The following SKAP2 variants were observed in gnomAD, a reference collection of about 807,000 sequenced individuals.
The protein encoded by SKAP2 is src kinase associated phosphoprotein 2, also known as src kinase-associated phosphoprotein 2.
In SKAP2, 28 loss-of-function variants were observed where a neutral mutation model predicts 54.9. The observed-to-expected ratio is 0.51, with a 90% CI of 0.38 to 0.70. The LOEUF (loss-of-function observed/expected upper bound fraction) is 0.70, where lower values mean the gene tolerates loss of function less well. Ranked by LOEUF, SKAP2 falls within the 30% of genes least tolerant of loss-of-function variation. The pLI, the probability that SKAP2 is intolerant of heterozygous loss-of-function variation, is 0.00. For missense variants in SKAP2, 356 were observed against 424.1 expected (o/e 0.84, Z 1.41); for synonymous variants, 137 against 134.3 (o/e 1.02, Z -0.14).
chr7:26,825,349 T>C (rs999000194), intron 4 of SKAP2, among the ~76,000 whole-genome samples: 2 of 152,154 alleles, frequency 1.3e-5, no homozygotes, highest in African/African-American at 4.8e-5. Flanking sequence ...CAATTGTTTT[T>C]TACTAAAGAA....
intron 4 of SKAP2, among the ~76,000 whole-genome samples, chr7:26,820,546 T>C (rs921692952): frequency 6.6e-6 from 1 of 152,152 alleles, no homozygotes; most frequent in Non-Finnish European, 1.5e-5. Flanking sequence ...TATGCTATTG[T>C]TTCATTACTT....
At chr7:26,769,397 A>C (rs767286342) in intron 4 of SKAP2, among the ~76,000 whole-genome samples, 1 of 152,144 alleles carries the variant, frequency 6.6e-6, no homozygotes, top group African/African-American at 2.4e-5. Flanking sequence ...ATTGGGTTAG[A>C]GCATGCTCCT....
At chr7:26,862,910 C>T (rs946791077) in intron 1 of SKAP2, among the ~76,000 whole-genome samples, 1 of 152,006 alleles carries the variant, frequency 6.6e-6, no homozygotes, top group African/African-American at 2.4e-5. Flanking sequence ...CATTTTTCTG[C>T]GCTGGTTATT....
Position 26,841,253 on chromosome 7 carries a change from A to G in SKAP2, c.307+2777T>C, listed in dbSNP as rs141802334. On this transcript the variant is annotated intron_variant, in intron 4 of 12. Coordinates refer to ENST00000345317, the MANE Select transcript of SKAP2 (RefSeq NM_003930.5). ...CAATGCGAAAATCAAAACTGCATCTAACCCTTTATCAGCTCACAATAACCT... is the reference window on the plus strand; with the variant it reads ...CAATGCGAAAATCAAAACTGCATCTGACCCTTTATCAGCTCACAATAACCT... Among the ~76,000 whole-genome samples the G allele has an allele frequency of 2.3e-3, 343 of 152,058 alleles. 2 individuals carry two copies. Among genetic ancestry groups the G allele is most frequent in the South Asian group, 5.4e-3 (26 of 4,822 alleles).
chr7:26,693,088 T>G (rs192276834), intron 9 of SKAP2, among the ~76,000 whole-genome samples: 241 of 152,164 alleles, frequency 1.6e-3, no homozygotes, highest in African/African-American at 5.3e-3. Flanking sequence ...TCCCAGCACT[T>G]TGAGAGGCCC....
intron 4 of SKAP2, among the ~76,000 whole-genome samples, chr7:26,787,527 T>C (rs1783577672): frequency 6.6e-6 from 1 of 152,042 alleles, no homozygotes; most frequent in Admixed American, 6.6e-5. Context: ...TTTCACCATG[T>C]TAGTGGCCAG....
chr7:26,734,934 C>T (rs1238301941), intron 6 of SKAP2, among the ~76,000 whole-genome samples: 1 of 152,130 alleles, frequency 6.6e-6, no homozygotes, highest in Non-Finnish European at 1.5e-5. Context: ...CAACAAACTC[C>T]TACTCATTCT....
At chr7:26,762,545 T>TA (rs2127971446) in intron 4 of SKAP2, among the ~76,000 whole-genome samples, 1 of 151,852 alleles carries the variant, frequency 6.6e-6, no homozygotes, top group South Asian at 2.1e-4. Context: ...TAAAAAAAAA[T>TA]AGTGATGCCC....
intron 4 of SKAP2, among the ~76,000 whole-genome samples, chr7:26,793,336 A>T (rs1380043355): frequency 6.6e-6 from 1 of 152,218 alleles, no homozygotes; most frequent in East Asian, 1.9e-4. Flanking sequence ...CTAGAATCAG[A>T]AATTGAAAAT....
intron 4 of SKAP2, among the ~76,000 whole-genome samples, chr7:26,788,503 T>C (rs1783605746): frequency 6.6e-6 from 1 of 151,970 alleles, no homozygotes; most frequent in Non-Finnish European, 1.5e-5. Context: ...GAAATGTAAA[T>C]ATGTCATAAA....
intron 6 of SKAP2, among the ~76,000 whole-genome samples, chr7:26,728,056 A>T (rs1386591928): frequency 6.6e-6 from 1 of 152,014 alleles, no homozygotes; most frequent in Non-Finnish European, 1.5e-5. Flanking sequence ...GGTCATAGAG[A>T]TTATATCTTG....
At chr7:26,774,180 G>A (rs1435336565) in intron 4 of SKAP2, among the ~76,000 whole-genome samples, 1 of 152,074 alleles carries the variant, frequency 6.6e-6, no homozygotes, top group Non-Finnish European at 1.5e-5. Flanking sequence ...GGTAGTGGTG[G>A]TGCATGCCTG....
chr7:26,685,797 C>T (rs764819264), intron 10 of SKAP2, among the ~76,000 whole-genome samples: 2 of 152,148 alleles, frequency 1.3e-5, no homozygotes, highest in Non-Finnish European at 2.9e-5. Flanking sequence ...GAACTGTTTC[C>T]TGTTTTCAAT....
chr7:26,784,475 A>G (rs1783495972), intron 4 of SKAP2, among the ~76,000 whole-genome samples: 1 of 152,232 alleles, frequency 6.6e-6, no homozygotes, highest in African/African-American at 2.4e-5. Flanking sequence ...CTACCAGAAT[A>G]TCACTGCTTC....
intron 4 of SKAP2, among the ~76,000 whole-genome samples, chr7:26,825,580 T>TA (rs3069884): frequency 0.12 from 14,852 of 128,858 alleles, 825 homozygotes; most frequent in Middle Eastern, 0.17. Context: ...AGCAAACAGT[T>TA]AAAAAAAAAA....
At chr7:26,697,226 CT>C (rs1056070093) in intron 9 of SKAP2, among the ~76,000 whole-genome samples, 2 of 152,166 alleles carry the variant, frequency 1.3e-5, no homozygotes, top group Non-Finnish European at 2.9e-5. Context: ...GCAGACATTT[CT>C]GAAAAGTTAT....
chr7:26,680,956 A>G (rs193045982), intron 11 of SKAP2, among the ~76,000 whole-genome samples: 12 of 152,326 alleles, frequency 7.9e-5, no homozygotes, highest in Admixed American at 6.5e-4. Flanking sequence ...TTAGATTTGT[A>G]TAACTTTCAA....
intron 4 of SKAP2, among the ~76,000 whole-genome samples, chr7:26,740,665 A>T (rs972474279): frequency 7.9e-5 from 12 of 152,324 alleles, no homozygotes; most frequent in South Asian, 2.1e-4. Context: ...ACAAGTGTTC[A>T]ATATTTTTAT....
At chr7:26,814,407 T>C (rs3823931) in intron 4 of SKAP2, among the ~76,000 whole-genome samples, 32,300 of 152,014 alleles carry the variant, frequency 0.21, 3,515 homozygotes, top group Non-Finnish European at 0.24. Flanking sequence ...ATACTTTAAA[T>C]GAAATCACAT....
Sources: gnomAD v4.1 joint callset for allele counts (sites outside exome capture counted in the v4.1 genomes callset) on GRCh38, gnomAD v4.1.1 for gene constraint, MANE v1.5 for transcripts, NCBI Gene and HGNC (gene_info 2026-07-23, HGNC 2026-07-21) for gene names.